Variants in KATNIP observed in about 807,000 individuals in gnomAD.
KATNIP encodes the protein katanin interacting protein.
A neutral mutation model predicts 174.0 loss-of-function variants in KATNIP; 126 were observed. The ratio of observed to expected loss-of-function variants is 0.72; its 90% confidence interval spans 0.63 to 0.84. The LOEUF is 0.84. KATNIP is among the 40% of genes least tolerant of loss of function. KATNIP has a pLI of 0.00. For missense variants in KATNIP, 1,958 were observed against 2,109.7 expected, an observed-to-expected ratio of 0.93 and a Z score of 1.41; for synonymous variants, 810 against 835.7, an observed-to-expected ratio of 0.97 and a Z score of 0.53.
At chr16:27,611,872 A>G (rs936166461) in intron 2 of KATNIP, among the ~76,000 whole-genome samples, 1 of 152,208 alleles carries the variant, frequency 6.6e-6, no homozygotes, top group African/African-American at 2.4e-5. Context: ...ACTGTATTGT[A>G]TATAATTTAA....
intron 6 of KATNIP, among the ~76,000 whole-genome samples, chr16:27,675,777 A>G (rs754021752): frequency 6.6e-6 from 1 of 152,180 alleles, no homozygotes; most frequent in Non-Finnish European, 1.5e-5. Context: ...TGGGACTCCC[A>G]TGTATGTCTC....
rs142387593 is a variant in KATNIP at position 27,628,817 on chromosome 16, G to T, written c.297G>T (p.Thr99=). ...HSDFSRSASH[T]EGTHDYGRRT... ...ACTTCTCCAGAAGTGCCTCCCACACGGAGGGGACACACGGTGAGCACAGGC... is the reference window on the plus strand; with the variant it reads ...ACTTCTCCAGAAGTGCCTCCCACACTGAGGGGACACACGGTGAGCACAGGC... The change falls in exon 4 of 28, where the codon ACG becomes ACT. Residue 99 remains threonine (T), a synonymous_variant. Transcript: ENST00000261588. The T allele has an allele frequency of 3.7e-6, 6 of 1,613,980 alleles. No homozygotes were observed. The African/African-American group carries it at 5.3e-5, about 14-fold the overall frequency.
intron 14 of KATNIP, among the ~76,000 whole-genome samples, chr16:27,733,193 C>G (rs1480537548): frequency 6.6e-6 from 1 of 152,188 alleles, no homozygotes; most frequent in African/African-American, 2.4e-5. Flanking sequence ...CACAGTGGAA[C>G]CGTGCCGCCA....
chr16:27,719,524 C>T (rs2080118175), intron 13 of KATNIP, among the ~76,000 whole-genome samples: 1 of 151,906 alleles, frequency 6.6e-6, no homozygotes, highest in Non-Finnish European at 1.5e-5. Flanking sequence ...AGGCCCGCCA[C>T]CATGCCCAAC....
chr16:27,564,392 A>G (rs1354416896), intron 1 of KATNIP, among the ~76,000 whole-genome samples: 1 of 152,136 alleles, frequency 6.6e-6, no homozygotes, highest in Non-Finnish European at 1.5e-5. Flanking sequence ...GCCACACAGC[A>G]TTGTCCCCAG....
chr16:27,624,942 A>G (rs1204718073), intron 3 of KATNIP, among the ~76,000 whole-genome samples: 1 of 152,210 alleles, frequency 6.6e-6, no homozygotes, highest in Non-Finnish European at 1.5e-5. Context: ...AGATACATCC[A>G]TAATATAACA....
chr16:27,712,976 GT>G (rs2079650458), intron 13 of KATNIP, among the ~76,000 whole-genome samples: 1 of 151,892 alleles, frequency 6.6e-6, no homozygotes, highest in Admixed American at 6.6e-5. Flanking sequence ...TGGTTAATTT[GT>G]TTTTATTTTT....
intron 2 of KATNIP, among the ~76,000 whole-genome samples, chr16:27,580,673 A>G (rs997054453): frequency 2.0e-5 from 3 of 148,274 alleles, no homozygotes; most frequent in African/African-American, 7.5e-5. Context: ...CATTCCCCTC[A>G]TGCAATACAC....
intron 16 of KATNIP, among the ~76,000 whole-genome samples, chr16:27,751,036 G>A (rs755032498): frequency 1.3e-5 from 2 of 151,900 alleles, no homozygotes; most frequent in African/African-American, 4.8e-5. Flanking sequence ...CCACAGACCC[G>A]GTCCACTCAT....
rs183268342 is a variant in KATNIP at position 27,618,713 on chromosome 16, G to A, written c.140+212G>A. 7.2e-5 allele frequency among the ~76,000 whole-genome samples: 11 copies of A among 152,224 alleles called. No homozygotes were observed. In the East Asian group the frequency reaches 1.7e-3, roughly 24 times the overall value. ...TTGACTGAGCTGTAGCAAACTGCTC[G>A]ATGTGTAAGTACCGCCTCTTCCCTC... On this transcript the variant is annotated intron_variant, in intron 3 of 27. Transcript: ENST00000261588.
At position 27,740,723 on chromosome 16, in the gene KATNIP, G is replaced by A. The variant is rs1286736049; in HGVS notation, c.2426G>A (p.Arg809Gln). ...ACCGAGGCCAGGGATAAAGGCCTACGGCATGAGCCAGGGTGGGGGACCAGC... is the reference window on the plus strand; with the variant it reads ...ACCGAGGCCAGGGATAAAGGCCTACAGCATGAGCCAGGGTGGGGGACCAGC... Reference protein sequence around the residue: ...GETEARDKGLRHEPGWGTSRS... With the variant: ...GETEARDKGLQHEPGWGTSRS... The change falls in exon 15 of 28, where the codon CGG becomes CAG. Residue 809 changes from arginine to glutamine, a missense_variant. By Grantham distance (43) the Arg-to-Gln change is conservative (BLOSUM62 1). Coordinates refer to ENST00000261588, the MANE Select transcript of KATNIP (RefSeq NM_015202.5). The A allele has an allele frequency of 7.4e-6, 12 of 1,614,198 alleles. No individual in the cohort carries two copies. The highest frequency in any genetic ancestry group is 1.6e-4 in the Middle Eastern group (1 of 6,062).
chr16:27,699,692 T>C (rs1490858309), intron 10 of KATNIP, 93 bp downstream of exon 10: 3 of 1,536,856 alleles, frequency 2.0e-6, no homozygotes, highest in Non-Finnish European at 2.7e-6. Flanking sequence ...GCCCTATGCA[T>C]GTGCATAGCA....
intron 2 of KATNIP, among the ~76,000 whole-genome samples, chr16:27,589,273 T>C (rs1457227020): frequency 6.6e-6 from 1 of 152,174 alleles, no homozygotes; most frequent in Non-Finnish European, 1.5e-5. Context: ...ACCCAACTAA[T>C]AATGGTCTAA....
chr16:27,599,355 T>A (rs1274742822), intron 2 of KATNIP, among the ~76,000 whole-genome samples: 1 of 152,066 alleles, frequency 6.6e-6, no homozygotes, highest in Non-Finnish European at 1.5e-5. Context: ...GCAATGACCT[T>A]GAGAAGCAGC....
At chr16:27,574,564 T>C (rs78456037) in intron 2 of KATNIP, among the ~76,000 whole-genome samples, 2 of 136,934 alleles carry the variant, frequency 1.5e-5, no homozygotes, top group Non-Finnish European at 3.2e-5. Flanking sequence ...TATTCTTTTT[T>C]TTTTTTTTTT....
chr16:27,674,912 C>T (rs552812481), intron 6 of KATNIP, among the ~76,000 whole-genome samples: 1 of 152,348 alleles, frequency 6.6e-6, no homozygotes, highest in African/African-American at 2.4e-5. Context: ...CAGCTCAAAA[C>T]TCCAAAATCT....
intron 18 of KATNIP, chr16:27,754,467 T>C (rs922416537): frequency 3.5e-6 from 2 of 564,764 alleles, no homozygotes; most frequent in Non-Finnish European, 3.2e-6. Flanking sequence ...GGGCATCTCT[T>C]AGCATTTTGC....
At chr16:27,597,414 T>C (rs1308649688) in intron 2 of KATNIP, among the ~76,000 whole-genome samples, 5 of 141,904 alleles carry the variant, frequency 3.5e-5, no homozygotes, top group Admixed American at 6.9e-5. Flanking sequence ...TTTTTTTTTT[T>C]TTTTTTTTTT....
At chr16:27,554,355 T>G (rs1044831723) in intron 1 of KATNIP, among the ~76,000 whole-genome samples, 7 of 151,780 alleles carry the variant, frequency 4.6e-5, no homozygotes, top group African/African-American at 1.7e-4. Flanking sequence ...CCCAGCTACT[T>G]GGGGGAGGCT....
Sources: gnomAD v4.1 joint callset for allele counts (sites outside exome capture counted in the v4.1 genomes callset) on GRCh38, gnomAD v4.1.1 for gene constraint, MANE v1.5 for transcripts, NCBI Gene and HGNC (gene_info 2026-07-23, HGNC 2026-07-21) for gene names.